KLRG2: variants seen among roughly 807,000 people sequenced by gnomAD.
KLRG2 encodes the protein killer cell lectin-like receptor subfamily G member 2.
KLRG2 carries 39 observed loss-of-function variants against 35.4 expected under a neutral mutation model. The observed-to-expected ratio is 1.10, with a 90% CI of 0.85 to 1.44. The LOEUF is 1.44. KLRG2 is among the 40% of genes most tolerant of loss of function. KLRG2 has a pLI of 0.00. For missense variants in KLRG2, 632 were observed against 570.9 expected (o/e 1.11, Z -1.09); for synonymous variants, 283 against 265.8 (o/e 1.06, Z -0.63).
At chr7:139,444,309 T>C in the KLRG2 span, among the ~76,000 whole-genome samples, 1 of 152,166 alleles carries the variant, frequency 6.6e-6, no homozygotes, top group African/African-American at 2.4e-5. Context: ...ATATTAACTA[T>C]AGCTGGGATT....
intron 1 of KLRG2, among the ~76,000 whole-genome samples, chr7:139,481,526 G>A (rs1178352784): frequency 6.6e-6 from 1 of 152,164 alleles, no homozygotes; most frequent in Admixed American, 6.5e-5. Context: ...GCTTTTGCCA[G>A]TTTGCCTGCT....
the KLRG2 span, among the ~76,000 whole-genome samples, chr7:139,444,324 G>T: frequency 6.6e-6 from 1 of 152,044 alleles, no homozygotes; most frequent in South Asian, 2.1e-4. Flanking sequence ...GGGATTACAG[G>T]TGCCCACCAC....
chr7:139,436,319 TTC>T, the KLRG2 span, among the ~76,000 whole-genome samples: 2 of 151,716 alleles, frequency 1.3e-5, no homozygotes, highest in Admixed American at 1.3e-4. Flanking sequence ...CCGTCTGCCC[TTC>T]CCCCACTGTC....
the KLRG2 span, among the ~76,000 whole-genome samples, chr7:139,440,652 G>A: frequency 2.0e-5 from 3 of 152,124 alleles, no homozygotes; most frequent in Non-Finnish European, 2.9e-5. Context: ...ATCTCACTAT[G>A]TTGTCCAGGC....
rs79736792 is a variant in KLRG2 at position 139,459,549 on chromosome 7, A to T, written c.1006-5335T>A. 3.1e-3 allele frequency among the ~76,000 whole-genome samples: 465 copies of T among 152,214 alleles called. 9 individuals are homozygous for T. The East Asian group carries it at 0.064, about 21-fold the overall frequency. On this transcript the variant is annotated intron_variant, in intron 3 of 4. Coordinates refer to ENST00000340940, the MANE Select transcript of KLRG2 (RefSeq NM_198508.4). ...CTGGGGTGCTTTCTTTGCACAGCCC[A>T]TTCCCATCTCAACGCCAACACCTCA... is the stretch of plus-strand genomic sequence containing the variant.
chr7:139,433,915 A>C, the KLRG2 span, among the ~76,000 whole-genome samples: 1 of 151,902 alleles, frequency 6.6e-6, no homozygotes, highest in African/African-American at 2.4e-5. Context: ...GGAGCACTTC[A>C]GTGTGAGCCA....
intron 3 of KLRG2, 132 bp downstream of exon 3, chr7:139,479,495 C>T: frequency 1.1e-6 from 1 of 902,314 alleles, no homozygotes; most frequent in Non-Finnish European, 1.7e-6. Flanking sequence ...AAGTTATGGT[C>T]ATGCTACTCC....
chr7:139,440,395 G>A, the KLRG2 span, among the ~76,000 whole-genome samples: 1 of 127,896 alleles, frequency 7.8e-6, no homozygotes, highest in Non-Finnish European at 1.6e-5. Flanking sequence ...TTACAGGTGT[G>A]TGCCACCACA....
At chr7:139,475,866 G>A (rs1796841366) in intron 3 of KLRG2, among the ~76,000 whole-genome samples, 2 of 152,012 alleles carry the variant, frequency 1.3e-5, no homozygotes, top group South Asian at 4.1e-4. Flanking sequence ...TCAAACTGTG[G>A]GATCTGAAGC....
the KLRG2 span, among the ~76,000 whole-genome samples, chr7:139,444,402 G>T: frequency 3.3e-5 from 5 of 152,112 alleles, no homozygotes; most frequent in Non-Finnish European, 7.4e-5. Context: ...GGCTGGTCTC[G>T]AACCCCTGAA....
intron 3 of KLRG2, among the ~76,000 whole-genome samples, chr7:139,454,493 A>G (rs770540484): frequency 1.3e-5 from 2 of 152,082 alleles, no homozygotes; most frequent in Non-Finnish European, 1.5e-5. Context: ...GTGGGCATTG[A>G]GTGGGCAAAG....
At chr7:139,439,787 G>A in the KLRG2 span, among the ~76,000 whole-genome samples, 1 of 152,142 alleles carries the variant, frequency 6.6e-6, no homozygotes, top group South Asian at 2.1e-4. Context: ...GGTTTCCCAG[G>A]ACTATCGTAA....
chr7:139,438,924 C>G, the KLRG2 span, among the ~76,000 whole-genome samples: 2 of 121,336 alleles, frequency 1.6e-5, no homozygotes, highest in Admixed American at 8.8e-5. Context: ...ATCCCCTCCC[C>G]CCCCCCACCC....
At chr7:139,447,511 G>A in the KLRG2 span, among the ~76,000 whole-genome samples, 1 of 150,460 alleles carries the variant, frequency 6.6e-6, no homozygotes, top group African/African-American at 2.5e-5. Flanking sequence ...AGCCATTCTC[G>A]TGCCTCAGCC....
chr7:139,473,383 T>C (rs1796794782), intron 3 of KLRG2, among the ~76,000 whole-genome samples: 1 of 152,192 alleles, frequency 6.6e-6, no homozygotes, highest in Non-Finnish European at 1.5e-5. Flanking sequence ...CGCGCAATGA[T>C]GACAGCTCAG....
Position 139,453,474 on chromosome 7 carries a change from C to T in KLRG2, c.*113G>A. The T allele has an allele frequency of 8.8e-7, 1 of 1,138,444 alleles. No individual in the cohort carries two copies. The highest frequency in any genetic ancestry group is 1.2e-6 in the Non-Finnish European group (1 of 804,054). The allele number at this position is 1,138,444 out of a possible 1,614,324, so 70.5% of individuals were successfully genotyped here. A position where few individuals can be genotyped will look rare whatever the true frequency, so the allele number is the denominator to read the frequency against. On this transcript the variant is annotated 3_prime_UTR_variant, in exon 5 of 5. Coordinates refer to ENST00000340940, the MANE Select transcript of KLRG2 (RefSeq NM_198508.4). ...GCTCATGTGGCCCCCTTGAGCAGAGCATGAAGACCTGGATAACTGGGTCCA... is the reference window on the plus strand; with the variant it reads ...GCTCATGTGGCCCCCTTGAGCAGAGTATGAAGACCTGGATAACTGGGTCCA...
At chr7:139,476,615 T>G (rs952911817) in intron 3 of KLRG2, among the ~76,000 whole-genome samples, 1 of 152,098 alleles carries the variant, frequency 6.6e-6, no homozygotes, top group African/African-American at 2.4e-5. Context: ...AATTTTTGTA[T>G]TTTTAGTAGA....
chr7:139,456,924 C>T (rs12112028), intron 3 of KLRG2, among the ~76,000 whole-genome samples: 22,640 of 145,340 alleles, frequency 0.16, 1,865 homozygotes, highest in Middle Eastern at 0.2. Context: ...ACTGCCTCCC[C>T]GCGCTCACTG....
At chr7:139,472,231 T>C (rs575264872) in intron 3 of KLRG2, among the ~76,000 whole-genome samples, 1 of 151,854 alleles carries the variant, frequency 6.6e-6, no homozygotes, top group East Asian at 1.9e-4. Flanking sequence ...TCCAGAAATA[T>C]TTGGGGAAAA....
Sources: allele counts gnomAD v4.1 joint callset (sites outside exome capture counted in the v4.1 genomes callset), GRCh38; gene constraint gnomAD v4.1.1; transcripts MANE v1.5; gene names NCBI Gene and HGNC (gene_info 2026-07-23, HGNC 2026-07-21).